WWOX: variants seen among roughly 807,000 people sequenced by gnomAD.
The protein encoded by WWOX is WW domain containing oxidoreductase, also known as WW domain-containing oxidoreductase.
WWOX carries 69 observed loss-of-function variants against 46.2 expected under a neutral mutation model. The observed-to-expected ratio is 1.49, with a 90% CI of 1.23 to 1.82. WWOX has a LOEUF of 1.82. WWOX is among the 40% of genes most tolerant of loss of function. WWOX has a pLI of 0.00. For synonymous variants in WWOX, 359 were observed against 202.6 expected, an observed-to-expected ratio of 1.77 and a Z score of -6.56; for missense variants, 919 against 542.6, an observed-to-expected ratio of 1.69 and a Z score of -6.89.
chr16:78,440,861 C>T (rs2083429347), intron 8 of WWOX, among the ~76,000 whole-genome samples: 2 of 152,146 alleles, frequency 1.3e-5, no homozygotes, highest in Admixed American at 1.3e-4. Flanking sequence ...TCAGGTGATC[C>T]ACCTGCCTTG....
intron 8 of WWOX, among the ~76,000 whole-genome samples, chr16:79,148,838 G>C (rs972382049): frequency 2.6e-5 from 4 of 152,104 alleles, no homozygotes; most frequent in Non-Finnish European, 5.9e-5. Context: ...CTAGAAATAT[G>C]ATTGAGTTTT....
intron 8 of WWOX, among the ~76,000 whole-genome samples, chr16:78,753,285 C>G (rs530061714): frequency 2.0e-5 from 3 of 151,750 alleles, no homozygotes; most frequent in South Asian, 4.2e-4. Context: ...GGGCGACAGA[C>G]TCCAGCCTGA....
At position 78,376,690 on chromosome 16, in the gene WWOX, G is replaced by T. The variant is rs114603498; in HGVS notation, c.517-10170G>T. Reference sequence around the variant, plus strand: ...CATCCCTGACCTCTGCCCCCTGGATGCCAGTTCACTTTCCAACAAGTTGCA... The same window carrying T: ...CATCCCTGACCTCTGCCCCCTGGATTCCAGTTCACTTTCCAACAAGTTGCA... On this transcript the variant is annotated intron_variant, in intron 5 of 8. Transcript: ENST00000566780. Among the ~76,000 whole-genome samples, 1,265 of 152,224 alleles carry T rather than the reference G, an allele frequency of 8.3e-3. 11 individuals carry two copies. The highest frequency in any genetic ancestry group is 0.028 in the African/African-American group (1,182 of 41,524).
intron 8 of WWOX, among the ~76,000 whole-genome samples, chr16:78,862,822 AG>A (rs2043920212): frequency 6.6e-6 from 1 of 152,202 alleles, no homozygotes; most frequent in African/African-American, 2.4e-5. Context: ...CTTTACTCAT[AG>A]TACTAATCGA....
At chr16:78,401,377 A>G (rs1386326310) in intron 6 of WWOX, among the ~76,000 whole-genome samples, 4 of 152,228 alleles carry the variant, frequency 2.6e-5, no homozygotes, top group South Asian at 2.1e-4. Context: ...AATAAATTCA[A>G]CTTGACATGG....
chr16:78,680,717 A>C (rs552659258), intron 8 of WWOX, among the ~76,000 whole-genome samples: 2 of 152,354 alleles, frequency 1.3e-5, no homozygotes, highest in South Asian at 2.1e-4. Flanking sequence ...TAGCACATAC[A>C]GAAAGAACGT....
At chr16:78,188,261 G>A (rs572867071) in intron 5 of WWOX, among the ~76,000 whole-genome samples, 9 of 152,190 alleles carry the variant, frequency 5.9e-5, no homozygotes, top group South Asian at 2.1e-4. Context: ...AGGCCGAGGC[G>A]GGCAGATCAC....
intron 5 of WWOX, among the ~76,000 whole-genome samples, chr16:78,233,678 C>T (rs1292358001): frequency 1.3e-5 from 2 of 151,962 alleles, no homozygotes; most frequent in African/African-American, 4.8e-5. Flanking sequence ...AGGCGCCTGC[C>T]ACTACACCTG....
chr16:78,704,760 T>C (rs1361782722), intron 8 of WWOX, among the ~76,000 whole-genome samples: 5 of 152,298 alleles, frequency 3.3e-5, no homozygotes, highest in African/African-American at 7.2e-5. Flanking sequence ...ATTTTCTCCC[T>C]GTTGACTCCT....
At chr16:78,983,195 A>G (rs1270386322) in intron 8 of WWOX, among the ~76,000 whole-genome samples, 1 of 152,226 alleles carries the variant, frequency 6.6e-6, no homozygotes. Flanking sequence ...AGAATCAGAA[A>G]GAGCTGAAAC....
chr16:78,123,279 T>C (rs2033183791), intron 4 of WWOX: 1 of 152,016 alleles, frequency 6.6e-6, no homozygotes, highest in South Asian at 2.1e-4. Flanking sequence ...CACAAGGGCA[T>C]GTGTTTTCAT....
intron 8 of WWOX, among the ~76,000 whole-genome samples, chr16:78,865,147 T>C (rs11643146): frequency 0.79 from 119,867 of 152,102 alleles, 47,823 homozygotes; most frequent in Middle Eastern, 0.89. Context: ...GTAAAATAAA[T>C]TCCGTACATT....
In WWOX at chr16:78,343,664, C is replaced by T. The variant is rs1026022481; in HGVS notation, c.517-43196C>T. ...TTTTAGTATATTTCTGTAAATAGCA[C>T]ATGTGCTAGATAGCAGATTTGTGTA... On this transcript the variant is annotated intron_variant, in intron 5 of 8. Transcript: ENST00000566780. Among the ~76,000 whole-genome samples, 2 of 121,022 alleles carry T rather than the reference C, an allele frequency of 1.7e-5. 1 individual carries two copies. The highest frequency in any genetic ancestry group is 4.0e-5 in the Non-Finnish European group (2 of 50,588). The allele number at this position is 121,022 out of a possible 152,430, so 79.4% of individuals were successfully genotyped here.
chr16:78,239,441 TG>T (rs1440294248), intron 5 of WWOX, among the ~76,000 whole-genome samples: 20 of 152,310 alleles, frequency 1.3e-4, no homozygotes, highest in African/African-American at 4.8e-4. Context: ...CTCATGGGAC[TG>T]GTGTGTTATT....
intron 3 of WWOX, among the ~76,000 whole-genome samples, chr16:78,114,744 C>T (rs1026763780): frequency 2.7e-5 from 4 of 149,320 alleles, no homozygotes; most frequent in African/African-American, 7.7e-5. Context: ...TATGTTACAG[C>T]GTATGTTATA....
intron 8 of WWOX, among the ~76,000 whole-genome samples, chr16:79,156,867 A>G (rs910155493): frequency 4.8e-5 from 7 of 146,746 alleles, no homozygotes; most frequent in Non-Finnish European, 8.9e-5. Flanking sequence ...GCTGAAGGAA[A>G]GAAAAAACAA....
At chr16:78,705,569 A>T (rs1396199146) in intron 8 of WWOX, among the ~76,000 whole-genome samples, 2 of 152,216 alleles carry the variant, frequency 1.3e-5, no homozygotes, top group Non-Finnish European at 2.9e-5. Flanking sequence ...GGTGCAGCTT[A>T]AAAATTCTGG....
At chr16:78,227,140 T>G (rs1005966361) in intron 5 of WWOX, among the ~76,000 whole-genome samples, 1 of 152,172 alleles carries the variant, frequency 6.6e-6, no homozygotes, top group African/African-American at 2.4e-5. Context: ...TACCACGAAA[T>G]CATTTTATCT....
At chr16:78,476,202 A>G (rs955285851) in intron 8 of WWOX, among the ~76,000 whole-genome samples, 1 of 152,194 alleles carries the variant, frequency 6.6e-6, no homozygotes, top group Non-Finnish European at 1.5e-5. Context: ...TGTGGTTTTG[A>G]TTTGCATTTC....
Sources: allele counts gnomAD v4.1 joint callset (sites outside exome capture counted in the v4.1 genomes callset), GRCh38; gene constraint gnomAD v4.1.1; transcripts MANE v1.5; gene names NCBI Gene and HGNC (gene_info 2026-07-23, HGNC 2026-07-21).